Variants in ZNF334 observed in about 807,000 individuals in gnomAD.
The protein encoded by ZNF334 is zinc finger protein 334.
In ZNF334, 14 loss-of-function variants were observed where a neutral mutation model predicts 12.4. That is an observed-to-expected ratio of 1.13 (90% CI 0.74 to 1.76). ZNF334 has a LOEUF of 1.76. ZNF334 is among the 40% of genes most tolerant of loss of function. ZNF334 has a pLI of 0.00. For missense variants in ZNF334, 797 were observed against 804.5 expected (o/e 0.99, Z 0.11); for synonymous variants, 273 against 269.6 (o/e 1.01, Z -0.12).
At chr20:46,478,094 A>G in the ZNF334 span, among the ~76,000 whole-genome samples, 1 of 152,182 alleles carries the variant, frequency 6.6e-6, no homozygotes, top group Non-Finnish European at 1.5e-5. Flanking sequence ...CTTTCCTCTG[A>G]TTTTGTCTCA....
the ZNF334 span, among the ~76,000 whole-genome samples, chr20:46,470,678 T>A: frequency 6.6e-6 from 1 of 152,246 alleles, no homozygotes; most frequent in Non-Finnish European, 1.5e-5. Flanking sequence ...TACGCATCTG[T>A]AAACACTCTA....
chr20:46,488,637 T>C, the ZNF334 span, among the ~76,000 whole-genome samples: 7 of 151,718 alleles, frequency 4.6e-5, no homozygotes, highest in African/African-American at 1.7e-4. Flanking sequence ...TAGGGCCAAA[T>C]TCCCATCTGG....
intron 2 of ZNF334, among the ~76,000 whole-genome samples, chr20:46,511,306 T>C (rs1047775928): frequency 6.6e-6 from 1 of 150,720 alleles, no homozygotes; most frequent in Admixed American, 6.6e-5. Context: ...TTATCAGAGG[T>C]GCCTATTAGG....
the ZNF334 span, among the ~76,000 whole-genome samples, chr20:46,490,657 T>C: frequency 6.6e-6 from 1 of 152,206 alleles, no homozygotes; most frequent in African/African-American, 2.4e-5. Flanking sequence ...AAATCATTCT[T>C]GTACGTGGAG....
the ZNF334 span, among the ~76,000 whole-genome samples, chr20:46,468,427 A>G: frequency 6.6e-6 from 1 of 150,838 alleles, no homozygotes; most frequent in South Asian, 2.1e-4. Context: ...GGCACCCGCC[A>G]TCATGACTGG....
chr20:46,465,492 G>A, the ZNF334 span, among the ~76,000 whole-genome samples: 1 of 152,198 alleles, frequency 6.6e-6, no homozygotes, highest in Non-Finnish European at 1.5e-5. Flanking sequence ...GAGACCAGGA[G>A]TTTGAGACCA....
rs746526118 is a variant in ZNF334, at chr20:46,504,666, C to A, written c.96G>T (p.Arg32Ser). 5.0e-6 allele frequency: 8 copies of A among 1,612,346 alleles called. No individual in the cohort carries two copies. The highest frequency in any genetic ancestry group is 6.8e-6 in the Non-Finnish European group (8 of 1,179,334). Residue 32 changes from arginine (R) to serine (S), a missense_variant, in exon 3 of 5, where the codon AGG becomes AGT. Transcript: ENST00000692313. ...CCAGCATCACATCCCTGTACAGGAGCCTCTGAGCAGGGTCCAGTTGCTGCC... is the reference window on the plus strand; with the variant it reads ...CCAGCATCACATCCCTGTACAGGAGACTCTGAGCAGGGTCCAGTTGCTGCC... ...EEWQQLDPAQRLLYRDVMLEN... is the reference protein window; with the variant it reads ...EEWQQLDPAQSLLYRDVMLEN...
chr20:46,465,828 G>A, the ZNF334 span, among the ~76,000 whole-genome samples: 4 of 151,926 alleles, frequency 2.6e-5, no homozygotes, highest in South Asian at 2.1e-4. Context: ...GGTGGCGAGC[G>A]CCTGTAGTCC....
the ZNF334 span, among the ~76,000 whole-genome samples, chr20:46,480,377 A>G: frequency 6.6e-6 from 1 of 152,062 alleles, no homozygotes; most frequent in Admixed American, 6.5e-5. Flanking sequence ...GGGCCATGGG[A>G]AAGTGGAGAT....
At chr20:46,469,776 C>G in the ZNF334 span, among the ~76,000 whole-genome samples, 2 of 152,262 alleles carry the variant, frequency 1.3e-5, no homozygotes, top group Non-Finnish European at 2.9e-5. Flanking sequence ...CTTGGGTTCA[C>G]AGGGACACCT....
At chr20:46,488,804 G>GGTTTTTT in the ZNF334 span, among the ~76,000 whole-genome samples, 1 of 104,124 alleles carries the variant, frequency 9.6e-6, no homozygotes, top group African/African-American at 4.0e-5. Context: ...CTAGTTAATA[G>GGTTTTTT]TTTTTTTTTT....
chr20:46,479,285 C>T, the ZNF334 span, among the ~76,000 whole-genome samples: 1 of 151,996 alleles, frequency 6.6e-6, no homozygotes, highest in Non-Finnish European at 1.5e-5. Flanking sequence ...TATATCAGAC[C>T]CACCCGGATA....
rs1568851535 is a variant in ZNF334, at chr20:46,501,581, G to C, written c.1758C>G (p.Ser586=). Reference sequence around the variant, plus strand: ...TGTGAGTTCGCTGATGTTCAACAAAGGAGAACTTCTGACAGAAGGTTTTCC... The same window carrying C: ...TGTGAGTTCGCTGATGTTCAACAAACGAGAACTTCTGACAGAAGGTTTTCC... ...ECGKTFCQKF[S]FVEHQRTHTG... The change falls in exon 5 of 5, where the codon TCC becomes TCG. Residue 586 remains serine, a synonymous_variant. Transcript: ENST00000692313. 6.2e-7 allele frequency: 1 copy of C among 1,614,046 alleles called. No individual in the cohort carries two copies. The highest frequency in any genetic ancestry group is 1.1e-5 in the South Asian group (1 of 91,068).
At chr20:46,474,514 G>T in the ZNF334 span, 3 of 152,146 alleles carry the variant, frequency 2.0e-5, no homozygotes, top group African/African-American at 7.2e-5. Context: ...TATCCAGAAT[G>T]TATGGCCACC....
At chr20:46,465,600 C>T in the ZNF334 span, among the ~76,000 whole-genome samples, 1 of 152,124 alleles carries the variant, frequency 6.6e-6, no homozygotes, top group African/African-American at 2.4e-5. Flanking sequence ...TGGTGCACAC[C>T]TGTAGTCCCA....
the ZNF334 span, among the ~76,000 whole-genome samples, chr20:46,487,853 T>A: frequency 1.3e-5 from 2 of 152,174 alleles, no homozygotes; most frequent in Admixed American, 6.5e-5. Flanking sequence ...AGCTTGATAA[T>A]CTCCACCTTT....
the ZNF334 span, chr20:46,477,038 A>T: frequency 6.6e-6 from 1 of 152,250 alleles, no homozygotes; most frequent in Non-Finnish European, 1.5e-5. Flanking sequence ...GATGCGTGAT[A>T]GGAGACTCTC....
the ZNF334 span, among the ~76,000 whole-genome samples, chr20:46,485,880 A>G: frequency 1.3e-5 from 2 of 152,176 alleles, no homozygotes; most frequent in Admixed American, 1.3e-4. Flanking sequence ...ACTTGGTCCA[A>G]ACTCCTCTCC....
At chr20:46,503,788 G>A (rs140236713) in intron 4 of ZNF334, among the ~76,000 whole-genome samples, 10 of 152,232 alleles carry the variant, frequency 6.6e-5, no homozygotes, top group Admixed American at 2.6e-4. Flanking sequence ...CTGGTGAAGC[G>A]TAGAATGGAA....
Sources: gnomAD v4.1 joint callset for allele counts (sites outside exome capture counted in the v4.1 genomes callset) on GRCh38, gnomAD v4.1.1 for gene constraint, MANE v1.5 for transcripts, NCBI Gene and HGNC (gene_info 2026-07-23, HGNC 2026-07-21) for gene names.